Variants in GABRG1 observed in about 807,000 individuals in gnomAD.
GABRG1 encodes the protein gamma-aminobutyric acid type A receptor subunit gamma1, also known as gamma-aminobutyric acid receptor subunit gamma-1.
A neutral mutation model predicts 49.8 loss-of-function variants in GABRG1; 49 were observed. The observed-to-expected ratio is 0.98, with a 90% confidence interval of 0.78 to 1.25. The LOEUF is 1.25. Among genes scored for constraint, GABRG1 ranks in the 50% most tolerant of loss-of-function variants. The pLI is 0.00. For missense variants in GABRG1, 552 were observed against 552.3 expected (o/e 1.00, Z 0.01); for synonymous variants, 232 against 185.1 (o/e 1.25, Z -2.06).
rs765340305 is a variant in GABRG1, at chr4:46,041,195, C to T, written c.1191G>A (p.Pro397=). 34 of 1,612,654 alleles carry T rather than the reference C, an allele frequency of 2.1e-5. No homozygotes were observed. Among genetic ancestry groups the T allele is most frequent in the South Asian group, 9.9e-5 (9 of 91,074 alleles). ...TLIPMNNISV[P]QEDDYGYQCL... Reference sequence around the variant, plus strand: ...ACTGATACCCATAATCATCTTCTTGCGGCACAGAAATATTATTCATTGGAA... The same window carrying T: ...ACTGATACCCATAATCATCTTCTTGTGGCACAGAAATATTATTCATTGGAA... Residue 397 remains proline (P), a synonymous_variant, in exon 9 of 9, where the codon CCG becomes CCA. Coordinates refer to ENST00000295452, the MANE Select transcript of GABRG1 (RefSeq NM_173536.4).
chr4:46,058,656 C>A, intron 5 of GABRG1, 34 bp from the exon 6 acceptor site: 1 of 1,551,152 alleles, frequency 6.4e-7, no homozygotes, highest in Non-Finnish European at 8.8e-7. Context: ...TAGCAAGATC[C>A]AAATTTGATA....
At chr4:46,079,770 G>C (rs1719498310) in intron 3 of GABRG1, among the ~76,000 whole-genome samples, 1 of 151,724 alleles carries the variant, frequency 6.6e-6, no homozygotes, top group African/African-American at 2.4e-5. Flanking sequence ...AATTGCTATG[G>C]CCCTTGAGTG....
rs1721175836 is a variant in GABRG1 at position 46,123,938 on chromosome 4, G to C, written c.-25C>G. 1 of 1,547,890 alleles carries C rather than the reference G, an allele frequency of 6.5e-7. No homozygotes were observed. The highest frequency in any genetic ancestry group is 1.4e-5 in the African/African-American group (1 of 73,532). ...TCGGAATCGCTTTTTTACGTGTGCT[G>C]CACTAGCTCAATTCTCCCAGCCAGG... On this transcript the variant is annotated 5_prime_UTR_variant, in exon 1 of 9. Transcript: ENST00000295452.
intron 1 of GABRG1, among the ~76,000 whole-genome samples, chr4:46,111,083 C>T (rs1720697056): frequency 6.6e-6 from 1 of 150,934 alleles, no homozygotes; most frequent in Admixed American, 6.6e-5. Flanking sequence ...GTGTGTGATT[C>T]TATACCAGGA....
At chr4:46,086,036 A>T (rs1001388670) in intron 2 of GABRG1, among the ~76,000 whole-genome samples, 3 of 151,650 alleles carry the variant, frequency 2.0e-5, no homozygotes, top group Admixed American at 1.3e-4. Context: ...ATAACAATGC[A>T]TGAGAAAACC....
rs1477953851 is a variant in GABRG1 at position 46,083,969 on chromosome 4, T to C, written c.321+17A>G. ...AGATCTCTGTGGCAGTTATTATTTT[T>C]AATATTTCTTACTTACCATATTAAT... On this transcript the variant is annotated intron_variant, in intron 3 of 8. Transcript: ENST00000295452. The C allele has an allele frequency of 1.4e-6, 2 of 1,391,214 alleles. No homozygotes were observed. Among genetic ancestry groups the C allele is most frequent in the African/African-American group, 2.9e-5 (2 of 69,344 alleles). The allele number at this position is 1,391,214 out of a possible 1,614,324, so 86.2% of individuals were successfully genotyped here. A position where few individuals can be genotyped will look rare whatever the true frequency, so the allele number is the denominator to read the frequency against.
intron 1 of GABRG1, among the ~76,000 whole-genome samples, chr4:46,098,493 T>C (rs1720264762): frequency 6.6e-6 from 1 of 151,800 alleles, no homozygotes; most frequent in Non-Finnish European, 1.5e-5. Flanking sequence ...CTTTCTACAG[T>C]ATCTATTCAG....
chr4:46,123,921 G>C lies in GABRG1; in HGVS notation c.-8C>G, dbSNP rs567761249. On this transcript the variant is annotated 5_prime_UTR_variant, in exon 1 of 9. Transcript: ENST00000295452. Reference sequence around the variant, plus strand: ...AGCTTTCAAAGGACCCATCGGAATCGCTTTTTTACGTGTGCTGCACTAGCT... The same window carrying C: ...AGCTTTCAAAGGACCCATCGGAATCCCTTTTTTACGTGTGCTGCACTAGCT... 3.7e-6 allele frequency: 6 copies of C among 1,605,370 alleles called. No individual in the cohort carries two copies. In the South Asian group the frequency reaches 4.4e-5, roughly 12 times the overall value.
rs1309048501 is a variant in GABRG1, at chr4:46,039,949, C to T, written c.*1039G>A. 2 of 151,668 alleles carry T rather than the reference C, an allele frequency of 1.3e-5. No homozygotes were observed. Among genetic ancestry groups the T allele is most frequent in the Admixed American group, 6.6e-5 (1 of 15,162 alleles). The allele number at this position is 151,668 out of a possible 1,614,324, so 9.4% of individuals were successfully genotyped here. On this transcript the variant is annotated 3_prime_UTR_variant, in exon 9 of 9. Transcript: ENST00000295452. ...TGGAAGAGGCAATATGTAACGCAGG[C>T]CTAAAACTGTTTTCTGCATATTACT...
At chr4:46,083,719 G>C (rs1468555018) in intron 3 of GABRG1, among the ~76,000 whole-genome samples, 1 of 150,622 alleles carries the variant, frequency 6.6e-6, no homozygotes, top group Non-Finnish European at 1.5e-5. Flanking sequence ...ATTTCTTCAG[G>C]GACCTCTTCT....
At chr4:46,079,497 G>C (rs1205382153) in intron 3 of GABRG1, among the ~76,000 whole-genome samples, 2 of 151,916 alleles carry the variant, frequency 1.3e-5, no homozygotes, top group Admixed American at 1.3e-4. Context: ...AAGTTCTGCA[G>C]ATGCGAACTG....
intron 5 of GABRG1, among the ~76,000 whole-genome samples, chr4:46,059,339 C>T (rs1485993999): frequency 6.6e-6 from 1 of 151,804 alleles, no homozygotes; most frequent in East Asian, 1.9e-4. Flanking sequence ...ATAATATCAA[C>T]TTTATGAGGT....
rs1281760563 is a variant in GABRG1 at position 46,123,177 on chromosome 4, A to G, written c.104+633T>C. 2.0e-5 allele frequency among the ~76,000 whole-genome samples: 3 copies of G among 148,776 alleles called. No individual in the cohort carries two copies. The East Asian group carries it at 5.8e-4, about 29-fold the overall frequency. On this transcript the variant is annotated intron_variant, in intron 1 of 8. Transcript: ENST00000295452. Reference sequence around the variant, plus strand: ...GACATTCATGTGGCCACACATTTTTAATTACTGATGGACAGCCAATTTTAA... The same window carrying G: ...GACATTCATGTGGCCACACATTTTTGATTACTGATGGACAGCCAATTTTAA...
intron 8 of GABRG1, 23 bp downstream of exon 8, chr4:46,051,401 A>T (rs1260307282): frequency 6.5e-7 from 1 of 1,531,368 alleles, no homozygotes; most frequent in Admixed American, 2.0e-5. Flanking sequence ...TTTATAAAAT[A>T]GAAATTTTTC....
intron 1 of GABRG1, among the ~76,000 whole-genome samples, chr4:46,122,273 C>T (rs919104698): frequency 6.6e-6 from 1 of 152,004 alleles, no homozygotes; most frequent in Non-Finnish European, 1.5e-5. Flanking sequence ...AGATAATATG[C>T]TCTTTACTAA....
At chr4:46,076,761 C>A (rs1294514622) in intron 3 of GABRG1, among the ~76,000 whole-genome samples, 1 of 151,568 alleles carries the variant, frequency 6.6e-6, no homozygotes, top group Non-Finnish European at 1.5e-5. Flanking sequence ...AAAATTGTAA[C>A]CAATTCAAGA....
chr4:46,041,265 T>C lies in GABRG1; in HGVS notation c.1132-11A>G, dbSNP rs1244519933. On this transcript the variant is annotated splice_polypyrimidine_tract_variant and intron_variant, in intron 8 of 8. Coordinates refer to ENST00000295452, the MANE Select transcript of GABRG1 (RefSeq NM_173536.4). ...GAGACCAGGAGTCATCTGAGCACAATAATAAATGAATTTTTGACATCAAAA... is the reference window on the plus strand; with the variant it reads ...GAGACCAGGAGTCATCTGAGCACAACAATAAATGAATTTTTGACATCAAAA... 3.1e-6 allele frequency: 5 copies of C among 1,605,994 alleles called. No homozygotes were observed. Among genetic ancestry groups the C allele is most frequent in the Non-Finnish European group, 3.4e-6 (4 of 1,175,312 alleles).
chr4:46,085,403 C>T (rs907225475), intron 2 of GABRG1, among the ~76,000 whole-genome samples: 1 of 151,456 alleles, frequency 6.6e-6, no homozygotes, highest in African/African-American at 2.4e-5. Flanking sequence ...AGAGCAATTG[C>T]ACCCAGAATG....
In GABRG1 at chr4:46,117,819, T is replaced by C. The variant is rs940862892; in HGVS notation, c.104+5991A>G. 4.5e-4 allele frequency among the ~76,000 whole-genome samples: 47 copies of C among 104,440 alleles called. 4 individuals carry two copies. The highest frequency in any genetic ancestry group is 3.1e-3 in the African/African-American group (47 of 15,110). The allele number at this position is 104,440 out of a possible 152,430, so 68.5% of individuals were successfully genotyped here. A position where few individuals can be genotyped will look rare whatever the true frequency, so the allele number is the denominator to read the frequency against. On this transcript the variant is annotated intron_variant, in intron 1 of 8. Coordinates refer to ENST00000295452, the MANE Select transcript of GABRG1 (RefSeq NM_173536.4). ...ATATACATATGTATACATGTGTATC[T>C]ATATACATATATACATATGTATACA...
Sources: allele counts gnomAD v4.1 joint callset (sites outside exome capture counted in the v4.1 genomes callset), GRCh38; gene constraint gnomAD v4.1.1; transcripts MANE v1.5; gene names NCBI Gene and HGNC (gene_info 2026-07-23, HGNC 2026-07-21).